Variants in PCDHGA7 observed in about 807,000 individuals in gnomAD.
PCDHGA7 encodes the protein protocadherin gamma-A7.
In PCDHGA7, 44 loss-of-function variants were observed where a neutral mutation model predicts 58.3. The ratio of observed to expected loss-of-function variants is 0.75; its 90% CI spans 0.59 to 0.97. PCDHGA7 has a LOEUF of 0.97. PCDHGA7 is among the 50% of genes least tolerant of loss of function. The probability of loss-of-function intolerance (pLI) is 0.00; values close to 1 mark genes in which losing one functional copy is unlikely to be tolerated. For synonymous variants in PCDHGA7, 516 were observed against 504.2 expected (o/e 1.02, Z -0.31); for missense variants, 1,266 against 1,188.7 (o/e 1.06, Z -0.96).
Position 141,432,148 on chromosome 5 carries a change from G to C in PCDHGA7, c.2424+46825G>C. ...CCTCCTATTCCGCTTATATCCCAGA[G>C]AACAATCCCAGAGGAGTTTCCCTCG... On this transcript the variant is annotated intron_variant, in intron 1 of 3. Coordinates refer to ENST00000518325, the MANE Select transcript of PCDHGA7 (RefSeq NM_018920.4). The surrounding 1 kb of genome is among the most constrained non-coding windows in gnomAD (Gnocchi z 6.0). 6.2e-7 allele frequency: 1 copy of C among 1,614,002 alleles called. No individual in the cohort carries two copies. Among genetic ancestry groups the C allele is most frequent in the East Asian group, 2.2e-5 (1 of 44,876 alleles).
At chr5:141,433,044 A>T in intron 1 of PCDHGA7, 2 of 1,613,972 alleles carry the variant, frequency 1.2e-6, no homozygotes, top group Non-Finnish European at 8.5e-7. Flanking sequence ...CTCACCACGG[A>T]CTCGCGGAAG....
intron 1 of PCDHGA7, chr5:141,418,849 G>T (rs1479117344): frequency 1.5e-5 from 25 of 1,613,886 alleles, no homozygotes; most frequent in Non-Finnish European, 1.8e-5. Context: ...TCTCAACACG[G>T]TGTAAAGTAA....
chr5:141,408,290 A>T (rs767669019), intron 1 of PCDHGA7: 80 of 1,613,008 alleles, frequency 5.0e-5, no homozygotes, highest in Non-Finnish European at 6.1e-5. Context: ...CCCCACCCTG[A>T]GTGAGCCGAT....
At chr5:141,397,923 C>T in intron 1 of PCDHGA7, 1 of 738,672 alleles carries the variant, frequency 1.4e-6, no homozygotes, top group East Asian at 2.8e-5. Flanking sequence ...GATCTCCTCG[C>T]GCAGCCGCAG....
At position 141,489,385 on chromosome 5, in the gene PCDHGA7, G is replaced by C. The variant is rs893348832; in HGVS notation, c.2425-5422G>C. The stretch of plus-strand genomic sequence containing the variant: ...GCCGGGGACGCTGGTGGGGAATGTT[G>C]CTCAGGATCTGGGCTTAAAGATGAC... On this transcript the variant is annotated intron_variant, in intron 1 of 3. Transcript: ENST00000518325. This position sits in a 1 kb window ranked among gnomAD's most constrained non-coding sequence, Gnocchi z 4.5. The C allele has an allele frequency of 6.2e-7, 1 of 1,613,924 alleles. No individual in the cohort carries two copies. Among genetic ancestry groups the C allele is most frequent in the Non-Finnish European group, 8.5e-7 (1 of 1,179,896 alleles).
chr5:141,407,589 C>G (rs1305349867), intron 1 of PCDHGA7, among the ~76,000 whole-genome samples: 1 of 151,660 alleles, frequency 6.6e-6, no homozygotes, highest in Non-Finnish European at 1.5e-5. Context: ...ACCTTAATGT[C>G]TCATCTTAAA....
chr5:141,410,540 G>C (rs1301173391), intron 1 of PCDHGA7: 1 of 1,613,702 alleles, frequency 6.2e-7, no homozygotes. Context: ...TGAAGACATG[G>C]TTTGCAGTGT....
intron 1 of PCDHGA7, among the ~76,000 whole-genome samples, chr5:141,458,248 G>A (rs173682): frequency 3.3e-5 from 5 of 152,112 alleles, no homozygotes; most frequent in African/African-American, 9.7e-5. Flanking sequence ...AAAATGATAC[G>A]GCTCTGATGA....
chr5:141,386,365 A>G (rs1014338903), intron 1 of PCDHGA7, among the ~76,000 whole-genome samples: 2 of 152,278 alleles, frequency 1.3e-5, no homozygotes. Flanking sequence ...GATTCCAGAG[A>G]CCTTTGAGTA....
At chr5:141,410,191 C>G in intron 1 of PCDHGA7, 2 of 1,613,994 alleles carry the variant, frequency 1.2e-6, no homozygotes, top group Non-Finnish European at 1.7e-6. Context: ...TTCATCTGGT[C>G]TTCGCAGACA....
chr5:141,506,760 G>A (rs1018086132), intron 3 of PCDHGA7, among the ~76,000 whole-genome samples: 1 of 152,128 alleles, frequency 6.6e-6, no homozygotes, highest in Non-Finnish European at 1.5e-5. Context: ...CTAGCTTCTG[G>A]AGCAGCAAAT....
chr5:141,491,964 C>T lies in PCDHGA7; in HGVS notation c.2425-2843C>T, dbSNP rs1382490003. 2.1e-6 allele frequency: 2 copies of T among 943,836 alleles called. No individual in the cohort carries two copies. The highest frequency in any genetic ancestry group is 3.0e-6 in the Non-Finnish European group (2 of 671,104). 58.5% of individuals were successfully genotyped at this position (943,836 alleles called of 1,614,324 possible). On this transcript the variant is annotated intron_variant, in intron 1 of 3. Transcript: ENST00000518325. The surrounding 1 kb of genome is among the most constrained non-coding windows in gnomAD (Gnocchi z 6.9). ...CCCCACCCCTACACTCAAAAAAGGC[C>T]GGGGCCTCCTTCGAGCTTCCGGTGA...
chr5:141,424,616 T>C (rs1487572877), intron 1 of PCDHGA7: 1 of 152,152 alleles, frequency 6.6e-6, no homozygotes, highest in Non-Finnish European at 1.5e-5. Flanking sequence ...TCAAATAGAG[T>C]AGTTTGTGAA....
Position 141,385,231 on chromosome 5 carries a change from A to G in PCDHGA7, c.2332A>G (p.Met778Val), listed in dbSNP as rs1781024340. The change falls in exon 1 of 4, where the codon ATG becomes GTG. Residue 778 changes from methionine to valine, a missense_variant. Coordinates refer to ENST00000518325, the MANE Select transcript of PCDHGA7 (RefSeq NM_018920.4). ...CTTCCCCCAGCCCAACTATGTAGACATGCTCATCAGCCAGGAGAGCTGTGA... is the reference window on the plus strand; with the variant it reads ...CTTCCCCCAGCCCAACTATGTAGACGTGCTCATCAGCCAGGAGAGCTGTGA... The part of the protein sequence containing the change: ...LIFPQPNYVD[M>V]LISQESCEKN... The G allele has an allele frequency of 6.2e-7, 1 of 1,614,136 alleles. No homozygotes were observed. The highest frequency in any genetic ancestry group is 8.5e-7 in the Non-Finnish European group (1 of 1,180,054).
In PCDHGA7 at chr5:141,432,143, C is replaced by G; in HGVS notation, c.2424+46820C>G. 2 of 1,614,084 alleles carry G rather than the reference C, an allele frequency of 1.2e-6. No homozygotes were observed. Among genetic ancestry groups the G allele is most frequent in the Non-Finnish European group, 1.7e-6 (2 of 1,180,006 alleles). Reference sequence around the variant, plus strand: ...TCAGGCCTCCTATTCCGCTTATATCCCAGAGAACAATCCCAGAGGAGTTTC... The same window carrying G: ...TCAGGCCTCCTATTCCGCTTATATCGCAGAGAACAATCCCAGAGGAGTTTC... On this transcript the variant is annotated intron_variant, in intron 1 of 3. Coordinates refer to ENST00000518325, the MANE Select transcript of PCDHGA7 (RefSeq NM_018920.4). This position sits in a 1 kb window ranked among gnomAD's most constrained non-coding sequence, Gnocchi z 6.0.
At chr5:141,470,548 A>G (rs2099232978) in intron 1 of PCDHGA7, among the ~76,000 whole-genome samples, 1 of 152,182 alleles carries the variant, frequency 6.6e-6, no homozygotes, top group Non-Finnish European at 1.5e-5. Context: ...ATATTTATTG[A>G]GAGTTTCCTC....
At chr5:141,394,850 G>GC in intron 1 of PCDHGA7, 1 of 1,613,820 alleles carries the variant, frequency 6.2e-7, no homozygotes. Flanking sequence ...GCAGTCTGAA[G>GC]CCTTCGGTCG....
In PCDHGA7 at chr5:141,385,322, A is replaced by C. The variant is rs1781120693; in HGVS notation, c.2423A>C (p.Gln808Pro). Residue 808 changes from glutamine (Q) to proline (P), a missense_variant and splice_region_variant, in exon 1 of 4, where the codon CAG (glutamine) becomes CCG (proline). Coordinates refer to ENST00000518325, the MANE Select transcript of PCDHGA7 (RefSeq NM_018920.4). ...QECKENLPSI[Q>P]QAPPNTDWRF... is the part of the protein sequence containing the mutation. ...TGTAAAGAAAACCTGCCAAGTATTC[A>C]GGTGAGCCCAGCCCTTCCTTTATTT... is the stretch of plus-strand genomic sequence containing the variant. The C allele has an allele frequency of 1.9e-6, 3 of 1,606,974 alleles. No homozygotes were observed. In the East Asian group the frequency reaches 6.7e-5, roughly 36 times the overall value.
chr5:141,415,961 C>T, intron 1 of PCDHGA7: 1 of 438,836 alleles, frequency 2.3e-6, no homozygotes, highest in Non-Finnish European at 3.6e-6. Context: ...TATTGAAACT[C>T]CAGCCCCTTA....
Sources: gnomAD v4.1 joint callset for allele counts (sites outside exome capture counted in the v4.1 genomes callset) on GRCh38, gnomAD v4.1.1 for gene constraint, Gnocchi (gnomAD v3.1) non-coding constraint, MANE v1.5 for transcripts, NCBI Gene and HGNC (gene_info 2026-07-23, HGNC 2026-07-21) for gene names.